Variants in CASK observed in about 807,000 individuals in gnomAD.
CASK encodes peripheral plasma membrane protein CASK.
A neutral mutation model predicts 82.9 loss-of-function variants in CASK; 4 were observed. The ratio of observed to expected loss-of-function variants is 0.05; its 90% CI spans 0.02 to 0.11. CASK has a LOEUF of 0.11. CASK is among the 10% of genes least tolerant of loss of function. The pLI, the probability that CASK is intolerant of heterozygous loss-of-function variation, is 1.00. For synonymous variants in CASK, 259 were observed against 253.5 expected (o/e 1.02, Z -0.20); for missense variants, 358 against 720.9 (o/e 0.50, Z 5.76).
chrX:41,564,121 A>G (rs1329700680), intron 16 of CASK, among the ~76,000 whole-genome samples: 1 of 112,125 alleles, frequency 8.9e-6, no homozygotes, highest in Non-Finnish European at 1.9e-5. Context: ...TGAGAAATGC[A>G]AGGGTAGTTT....
At chrX:41,723,836 C>A (rs1000403661) in intron 5 of CASK, among the ~76,000 whole-genome samples, 4 of 112,126 alleles carry the variant, frequency 3.6e-5, no homozygotes, top group African/African-American at 1.3e-4. Flanking sequence ...CATCCACAAA[C>A]AATTTTACAA....
chrX:41,630,178 T>C (rs1200084383), intron 9 of CASK, among the ~76,000 whole-genome samples: 2 of 112,303 alleles, frequency 1.8e-5, no homozygotes, highest in Non-Finnish European at 3.8e-5. Flanking sequence ...ATAATTATAG[T>C]TTTCTTGAAA....
At chrX:41,543,533 G>A (rs1314083301) in intron 21 of CASK, among the ~76,000 whole-genome samples, 2 of 112,089 alleles carry the variant, frequency 1.8e-5, no homozygotes, top group Non-Finnish European at 3.8e-5. Context: ...TAAATTCACA[G>A]TTATAACCAC....
At chrX:41,529,193 C>A (rs1313761516) in intron 25 of CASK, among the ~76,000 whole-genome samples, 1 of 111,729 alleles carries the variant, frequency 9.0e-6, no homozygotes, top group Non-Finnish European at 1.9e-5. Context: ...TCATCCAGCA[C>A]TCAGGGGAGC....
intron 11 of CASK, among the ~76,000 whole-genome samples, chrX:41,610,462 G>C (rs937421422): frequency 1.8e-5 from 2 of 111,542 alleles, no homozygotes; most frequent in African/African-American, 6.5e-5. Context: ...GTAGATACAG[G>C]GAACAGACCT....
In CASK at chrX:41,553,828, C is replaced by T; in HGVS notation, c.1930G>A (p.Asp644Asn). The T allele has an allele frequency of 4.2e-6, 5 of 1,203,464 alleles. No individual in the cohort carries two copies. Among genetic ancestry groups the T allele is most frequent in the Non-Finnish European group, 5.6e-6 (5 of 887,966 alleles). Reference sequence around the variant, plus strand: ...TCCTTACTAATAATCTGGATGATGTCACCAACTCTGAATCGAATGCCAGCT... The same window carrying T: ...TCCTTACTAATAATCTGGATGATGTTACCAACTCTGAATCGAATGCCAGCT... ...KEAGIRFRVG[D>N]IIQIISKDDH... Residue 644 changes from aspartate (D) to asparagine (N), a missense_variant, in exon 21 of 27, where the codon GAC (aspartate) becomes AAC (asparagine). Coordinates refer to ENST00000378163, the MANE Select transcript of CASK (RefSeq NM_001367721.1).
chrX:41,857,999 C>T (rs187819495), intron 1 of CASK, among the ~76,000 whole-genome samples: 2 of 112,285 alleles, frequency 1.8e-5, no homozygotes, highest in East Asian at 5.6e-4. Flanking sequence ...TCCAGCCAGA[C>T]CATCATTAAC....
intron 2 of CASK, among the ~76,000 whole-genome samples, chrX:41,833,339 T>C (rs761385480): frequency 1.2e-4 from 13 of 112,117 alleles, no homozygotes; most frequent in African/African-American, 3.9e-4. Context: ...TGATACCTGC[T>C]ACTACATGGA....
intron 2 of CASK, among the ~76,000 whole-genome samples, chrX:41,794,539 T>C (rs2147848997): frequency 8.9e-6 from 1 of 112,357 alleles, no homozygotes; most frequent in Admixed American, 9.5e-5. Context: ...TATTTCAACA[T>C]GGTATTCCTT....
chrX:41,594,823 C>T (rs985992140), intron 12 of CASK, among the ~76,000 whole-genome samples: 19 of 111,826 alleles, frequency 1.7e-4, no homozygotes, highest in African/African-American at 4.9e-4. Context: ...ACTGACGATG[C>T]AGAAACCACA....
intron 17 of CASK, 106 bp from the exon 18 acceptor site, chrX:41,559,953 C>T: frequency 1.6e-6 from 1 of 611,143 alleles, no homozygotes; most frequent in Non-Finnish European, 2.7e-6. Context: ...TAGCACAAGC[C>T]ATCTGAGAGC....
rs1460506810 is a variant in CASK at position 41,564,020 on chromosome X, T to G, written c.1583-2376A>C. 2.7e-4 allele frequency among the ~76,000 whole-genome samples: 30 copies of G among 111,963 alleles called. No homozygotes were observed. The Admixed American group carries it at 2.8e-3, about 11-fold the overall frequency. Reference sequence around the variant, plus strand: ...ACTACGGGCCAGTCTCACTCATAAATGCACATACTGAGATCTTATAAACAA... The same window carrying G: ...ACTACGGGCCAGTCTCACTCATAAAGGCACATACTGAGATCTTATAAACAA... On this transcript the variant is annotated intron_variant, in intron 16 of 26. Coordinates refer to ENST00000378163, the MANE Select transcript of CASK (RefSeq NM_001367721.1).
At chrX:41,864,919 G>T (rs563654947) in intron 1 of CASK, among the ~76,000 whole-genome samples, 2 of 111,971 alleles carry the variant, frequency 1.8e-5, no homozygotes, top group East Asian at 5.6e-4. Flanking sequence ...GCAGAAAATA[G>T]GTTTTGAATC....
chrX:41,680,414 G>A (rs994474133), intron 5 of CASK, among the ~76,000 whole-genome samples: 6 of 108,280 alleles, frequency 5.5e-5, no homozygotes, highest in Middle Eastern at 4.8e-3. Context: ...CCCAGGAGGC[G>A]GAGGTTGCAG....
chrX:41,757,202 T>A (rs391655), intron 3 of CASK, among the ~76,000 whole-genome samples: 18,359 of 111,319 alleles, frequency 0.16, 1,447 homozygotes, highest in Middle Eastern at 0.31. Context: ...CAGTCTTTTT[T>A]AAAAAAATCT....
chrX:41,801,018 A>G (rs1208149338), intron 2 of CASK, among the ~76,000 whole-genome samples: 5 of 111,822 alleles, frequency 4.5e-5, no homozygotes, highest in Admixed American at 9.5e-5. Context: ...AAAAAAGAAT[A>G]ACCCTGGAGT....
chrX:41,866,890 A>G (rs1389909227), intron 1 of CASK, among the ~76,000 whole-genome samples: 3 of 111,553 alleles, frequency 2.7e-5, no homozygotes, highest in Admixed American at 9.5e-5. Flanking sequence ...TTTGATGAAT[A>G]CCAACTAACC....
chrX:41,625,942 C>CTTT (rs748063155), intron 10 of CASK, among the ~76,000 whole-genome samples: 29 of 40,353 alleles, frequency 7.2e-4, no homozygotes, highest in South Asian at 1.5e-3. Context: ...GCACGCCTGG[C>CTTT]TTTTTTTTTT....
chrX:41,558,717 G>A (rs926812075), intron 18 of CASK: 1 of 110,542 alleles, frequency 9.0e-6, no homozygotes, highest in African/African-American at 3.3e-5. Context: ...CTCAAGACCC[G>A]TTACAACGGA....
Sources: gnomAD v4.1 joint callset for allele counts (sites outside exome capture counted in the v4.1 genomes callset) on GRCh38, gnomAD v4.1.1 for gene constraint, MANE v1.5 for transcripts, NCBI Gene and HGNC (gene_info 2026-07-23, HGNC 2026-07-21) for gene names.